Variants in NRXN1 observed in about 807,000 individuals in gnomAD.
The protein encoded by NRXN1 is neurexin 1.
Under a neutral mutation model 150.9 loss-of-function variants are expected in NRXN1, and 39 were observed. The ratio of observed to expected loss-of-function variants is 0.26; its 90% CI spans 0.20 to 0.34. The LOEUF (loss-of-function observed/expected upper bound fraction) is 0.34. NRXN1 is among the 10% of genes least tolerant of loss of function. The pLI is 1.00. For synonymous variants in NRXN1, 924 were observed against 757.0 expected (o/e 1.22, Z -3.62); for missense variants, 1,815 against 1,949.9 (o/e 0.93, Z 1.30).
intron 17 of NRXN1, among the ~76,000 whole-genome samples, chr2:50,248,564 G>C (rs2066730346): frequency 6.6e-6 from 1 of 152,144 alleles, no homozygotes; most frequent in South Asian, 2.1e-4. Context: ...AGTTAAAATA[G>C]AAATTGCCTA....
intron 2 of NRXN1, among the ~76,000 whole-genome samples, chr2:50,995,243 G>A (rs1699086509): frequency 6.6e-6 from 1 of 151,886 alleles, no homozygotes; most frequent in South Asian, 2.1e-4. Context: ...AGGACACTGA[G>A]ACACAGAGAG....
intron 8 of NRXN1, among the ~76,000 whole-genome samples, chr2:50,595,156 G>A (rs533557508): frequency 2.4e-4 from 36 of 152,062 alleles, no homozygotes; most frequent in African/African-American, 8.7e-4. Flanking sequence ...TAGTAAGGAG[G>A]GCTTTTGAAA....
chr2:50,641,935 C>A (rs1045534344), intron 5 of NRXN1, among the ~76,000 whole-genome samples: 1 of 152,086 alleles, frequency 6.6e-6, no homozygotes, highest in Admixed American at 6.6e-5. Context: ...GCTCTCTGAA[C>A]AAACATATTC....
At chr2:50,659,215 A>G (rs928045321) in intron 5 of NRXN1, among the ~76,000 whole-genome samples, 6 of 152,024 alleles carry the variant, frequency 3.9e-5, no homozygotes, top group Non-Finnish European at 1.5e-5. Context: ...TATATAAGCA[A>G]TTGTTCTTTG....
At chr2:50,290,759 A>G (rs1365321049) in intron 17 of NRXN1, among the ~76,000 whole-genome samples, 4 of 152,160 alleles carry the variant, frequency 2.6e-5, no homozygotes. Context: ...ATTTGGTTTT[A>G]AAGAAATAAA....
chr2:49,937,973 T>C (rs962841608), intron 22 of NRXN1, among the ~76,000 whole-genome samples: 8 of 152,192 alleles, frequency 5.3e-5, no homozygotes, highest in African/African-American at 1.9e-4. Context: ...ATGGTATCAA[T>C]TGAATAGAAA....
At chr2:50,098,996 C>T (rs61092631) in intron 18 of NRXN1, among the ~76,000 whole-genome samples, 50 of 151,564 alleles carry the variant, frequency 3.3e-4, no homozygotes, top group Middle Eastern at 3.4e-3. Context: ...TAAAAAACAG[C>T]CTTTTCATTT....
At chr2:50,653,625 G>T (rs1313708399) in intron 5 of NRXN1, among the ~76,000 whole-genome samples, 1 of 151,942 alleles carries the variant, frequency 6.6e-6, no homozygotes, top group Non-Finnish European at 1.5e-5. Context: ...CAGGAAAATT[G>T]AATTTTTAAT....
chr2:50,216,913 T>C (rs1456326551), intron 18 of NRXN1, among the ~76,000 whole-genome samples: 2 of 152,112 alleles, frequency 1.3e-5, no homozygotes, highest in Non-Finnish European at 2.9e-5. Flanking sequence ...AATATCATTA[T>C]TATTTTTAGA....
chr2:50,541,878 A>C (rs2093397648), intron 9 of NRXN1, among the ~76,000 whole-genome samples: 1 of 152,220 alleles, frequency 6.6e-6, no homozygotes, highest in African/African-American at 2.4e-5. Flanking sequence ...CCATGGTACA[A>C]AAAAATAAAT....
At chr2:50,582,973 C>G (rs1385444309) in intron 8 of NRXN1, among the ~76,000 whole-genome samples, 1 of 151,174 alleles carries the variant, frequency 6.6e-6, no homozygotes, top group Non-Finnish European at 1.5e-5. Flanking sequence ...TATTGTCTCT[C>G]TCCCTCTCTT....
At chr2:49,942,614 T>TATTATTTA (rs112672714) in intron 22 of NRXN1, among the ~76,000 whole-genome samples, 1 of 148,928 alleles carries the variant, frequency 6.7e-6, no homozygotes, top group African/African-American at 2.5e-5. Context: ...TTATTATTAT[T>TATTATTTA]TTATTATTAT....
intron 5 of NRXN1, among the ~76,000 whole-genome samples, chr2:50,724,572 T>C (rs1333028484): frequency 6.6e-6 from 1 of 152,152 alleles, no homozygotes; most frequent in Non-Finnish European, 1.5e-5. Context: ...AAAAAGATAT[T>C]AATCACGTTG....
intron 17 of NRXN1, among the ~76,000 whole-genome samples, chr2:50,381,439 T>C (rs1463542697): frequency 6.6e-6 from 1 of 151,742 alleles, no homozygotes; most frequent in Admixed American, 6.6e-5. Flanking sequence ...GCTTACGGCA[T>C]GCCAATCTTG....
chr2:50,158,278 G>T (rs2059149859), intron 18 of NRXN1, among the ~76,000 whole-genome samples: 2 of 151,438 alleles, frequency 1.3e-5, no homozygotes, highest in African/African-American at 4.9e-5. Context: ...TGCAAAAGTA[G>T]TACAAAATGC....
In NRXN1 at chr2:50,777,204, G is replaced by A. The variant is rs375301502; in HGVS notation, c.832+144665C>T. Among the ~76,000 whole-genome samples the A allele has an allele frequency of 2.5e-3, 383 of 151,864 alleles. 2 individuals carry two copies. The highest frequency in any genetic ancestry group is 4.1e-3 in the Non-Finnish European group (275 of 67,890). On this transcript the variant is annotated intron_variant, in intron 5 of 22. Transcript: ENST00000401669. ...GATTTTATATATTGCTTAAATTAAC[G>A]GCCAAAAAAAGCCTCCAAGGGGTAA...
intron 21 of NRXN1, among the ~76,000 whole-genome samples, chr2:50,027,367 T>TTCCC (rs1403250315): frequency 6.6e-5 from 5 of 76,240 alleles, no homozygotes; most frequent in Non-Finnish European, 1.4e-4. Context: ...CCTTCGTTGC[T>TTCCC]TCCTTCCTTC....
At chr2:50,656,356 G>A (rs892027984) in intron 5 of NRXN1, 4 of 776,374 alleles carry the variant, frequency 5.2e-6, no homozygotes, top group Non-Finnish European at 7.2e-6. Context: ...GAGTACCTGA[G>A]TCTGTACTAG....
chr2:50,411,175 C>T (rs919301582), intron 17 of NRXN1, among the ~76,000 whole-genome samples: 5 of 152,054 alleles, frequency 3.3e-5, no homozygotes, highest in Admixed American at 6.5e-5. Flanking sequence ...TGCAGGCGCG[C>T]GCCTCCACGC....
Sources: gnomAD v4.1 joint callset for allele counts (sites outside exome capture counted in the v4.1 genomes callset) on GRCh38, gnomAD v4.1.1 for gene constraint, MANE v1.5 for transcripts, NCBI Gene and HGNC (gene_info 2026-07-23, HGNC 2026-07-21) for gene names.